The following SENP1 variants were observed in gnomAD, a reference collection of about 807,000 sequenced individuals.
SENP1 encodes the protein sentrin-specific protease 1.
SENP1 carries 21 observed loss-of-function variants against 93.0 expected under a neutral mutation model. That is an observed-to-expected ratio of 0.23 (90% CI 0.16 to 0.33). The LOEUF (loss-of-function observed/expected upper bound fraction) is 0.33. SENP1 is among the 10% of genes least tolerant of loss of function. The pLI, the probability that SENP1 is intolerant of heterozygous loss-of-function variation, is 1.00. For synonymous variants in SENP1, 256 were observed against 259.6 expected, an observed-to-expected ratio of 0.99 and a Z score of 0.13; for missense variants, 591 against 758.7, an observed-to-expected ratio of 0.78 and a Z score of 2.60.
intron 5 of SENP1, among the ~76,000 whole-genome samples, chr12:48,086,450 C>T (rs752984552): frequency 1.8e-4 from 27 of 152,154 alleles, no homozygotes; most frequent in Non-Finnish European, 3.1e-4. Flanking sequence ...GCCAAAGTAA[C>T]ATTATTTAGA....
chr12:48,083,766 A>T lies in SENP1; in HGVS notation c.381-4T>A. ...CGCAAAACTGTTTGATAATCCACTA[A>T]AAAAAGAGTTTGTAAGAAAGATAAG... On this transcript the variant is annotated splice_region_variant and splice_polypyrimidine_tract_variant and intron_variant, in intron 5 of 17. Coordinates refer to ENST00000549518, the MANE Select transcript of SENP1 (RefSeq NM_001267594.2). 2 of 1,588,352 alleles carry T rather than the reference A, an allele frequency of 1.3e-6. No individual in the cohort carries two copies. Among genetic ancestry groups the T allele is most frequent in the Non-Finnish European group, 1.7e-6 (2 of 1,169,430 alleles).
intron 13 of SENP1, among the ~76,000 whole-genome samples, chr12:48,054,416 T>C (rs901364617): frequency 2.0e-5 from 3 of 152,214 alleles, no homozygotes; most frequent in African/African-American, 7.2e-5. Flanking sequence ...ATAATGTTAA[T>C]AAGTCACTTT....
intron 8 of SENP1, among the ~76,000 whole-genome samples, chr12:48,072,335 C>T (rs1943764451): frequency 6.6e-6 from 1 of 152,128 alleles, no homozygotes; most frequent in African/African-American, 2.4e-5. Context: ...GTTCAGTAAC[C>T]CTTACTTAAT....
chr12:48,054,846 C>A (rs1465759877), intron 13 of SENP1: 1 of 152,142 alleles, frequency 6.6e-6, no homozygotes, highest in African/African-American at 2.4e-5. Flanking sequence ...ATCTGACAAT[C>A]TCTGCCTCTT....
At chr12:48,079,411 A>G (rs1038337468) in intron 6 of SENP1, among the ~76,000 whole-genome samples, 2 of 151,604 alleles carry the variant, frequency 1.3e-5, no homozygotes, top group African/African-American at 4.8e-5. Context: ...AGGCAGGAGA[A>G]TTGCTTGAAC....
intron 1 of SENP1, 52 bp downstream of exon 1, chr12:48,105,976 G>A (rs1276630747): frequency 7.1e-6 from 5 of 699,674 alleles, no homozygotes; most frequent in Non-Finnish European, 1.0e-5. Context: ...CAGTCTCCTG[G>A]ACCAGGCTCC....
chr12:48,104,256 C>CG (rs200509863), intron 1 of SENP1, among the ~76,000 whole-genome samples: 7 of 21,500 alleles, frequency 3.3e-4, no homozygotes, highest in South Asian at 1.9e-3. Flanking sequence ...GAGAGAGAGA[C>CG]GGGGGGGGGG....
intron 4 of SENP1, among the ~76,000 whole-genome samples, chr12:48,091,201 A>T (rs1592452507): frequency 6.6e-6 from 1 of 152,234 alleles, no homozygotes; most frequent in Non-Finnish European, 1.5e-5. Flanking sequence ...TGTAATCCCA[A>T]CACTTTGGGA....
chr12:48,068,718 A>G lies in SENP1; in HGVS notation c.996-1753T>C, dbSNP rs1055727639. On this transcript the variant is annotated intron_variant, in intron 9 of 17. Transcript: ENST00000549518. The stretch of plus-strand genomic sequence containing the variant: ...ACTGAGCACCCATCATATGCCAAGC[A>G]CTATGACCAGCAATGGGTGACAGAT... Among the ~76,000 whole-genome samples, 6 of 152,348 alleles carry G rather than the reference A, an allele frequency of 3.9e-5. No individual in the cohort carries two copies. In the East Asian group the frequency reaches 9.6e-4, roughly 24 times the overall value.
chr12:48,102,662 C>T (rs953745599), intron 1 of SENP1, among the ~76,000 whole-genome samples: 22 of 151,762 alleles, frequency 1.4e-4, no homozygotes, highest in African/African-American at 5.3e-4. Context: ...TCAATGTATT[C>T]ATGAGGCTGG....
intron 6 of SENP1, chr12:48,079,970 T>C (rs1192805751): frequency 1.3e-5 from 2 of 152,228 alleles, no homozygotes; most frequent in African/African-American, 2.4e-5. Flanking sequence ...AAACCATCAC[T>C]GTCACCTATT....
At chr12:48,088,780 C>T in intron 5 of SENP1, 21 bp downstream of exon 5, 2 of 1,603,186 alleles carry the variant, frequency 1.2e-6, no homozygotes, top group Non-Finnish European at 1.7e-6. Flanking sequence ...GGCTTGAGAA[C>T]TAAGATGACA....
intron 13 of SENP1, among the ~76,000 whole-genome samples, chr12:48,061,767 G>T (rs80126191): frequency 1.3e-5 from 2 of 152,226 alleles, no homozygotes; most frequent in East Asian, 3.9e-4. Context: ...TACTCCATCA[G>T]GATGTTAGCT....
chr12:48,087,194 G>A (rs1410126154), intron 5 of SENP1, among the ~76,000 whole-genome samples: 1 of 151,982 alleles, frequency 6.6e-6, no homozygotes, highest in African/African-American at 2.4e-5. Flanking sequence ...ATGACTTAGG[G>A]TATAAAACAA....
chr12:48,086,326 TGA>T, intron 5 of SENP1, among the ~76,000 whole-genome samples: 1 of 152,176 alleles, frequency 6.6e-6, no homozygotes, highest in Non-Finnish European at 1.5e-5. Context: ...AGTGTAAAAG[TGA>T]TAAAATTAGA....
At chr12:48,069,591 C>T (rs1323254513) in intron 9 of SENP1, among the ~76,000 whole-genome samples, 5 of 152,168 alleles carry the variant, frequency 3.3e-5, no homozygotes, top group African/African-American at 1.2e-4. Flanking sequence ...TTGCATGCAT[C>T]TTGTGGCATT....
chr12:48,086,139 GA>G (rs1192631056), intron 5 of SENP1, among the ~76,000 whole-genome samples: 1 of 152,124 alleles, frequency 6.6e-6, no homozygotes, highest in Non-Finnish European at 1.5e-5. Flanking sequence ...ACTAAAAAAG[GA>G]ACAGACAAAT....
chr12:48,048,112 T>A (rs1464544034), intron 14 of SENP1, 32 bp from the exon 15 acceptor site: 1 of 1,427,038 alleles, frequency 7.0e-7, no homozygotes, highest in Non-Finnish European at 9.9e-7. Context: ...TCTGTGTTTA[T>A]GAGATGAAGA....
intron 4 of SENP1, among the ~76,000 whole-genome samples, chr12:48,095,347 C>T (rs1366972724): frequency 6.6e-6 from 1 of 151,822 alleles, no homozygotes; most frequent in Non-Finnish European, 1.5e-5. Flanking sequence ...ACCAGCCTGG[C>T]CAACATGGTG....
Sources: allele counts gnomAD v4.1 joint callset (sites outside exome capture counted in the v4.1 genomes callset), GRCh38; gene constraint gnomAD v4.1.1; transcripts MANE v1.5; gene names NCBI Gene and HGNC (gene_info 2026-07-23, HGNC 2026-07-21).